The following CRYL1 variants were observed in gnomAD, a reference collection of about 807,000 sequenced individuals.
CRYL1 encodes the protein lambda-crystallin homolog.
In CRYL1, 29 loss-of-function variants were observed where a neutral mutation model predicts 36.6. The observed-to-expected ratio is 0.79, with a 90% confidence interval of 0.59 to 1.08. The LOEUF is 1.08. Among genes scored for constraint, CRYL1 ranks in the 50% least tolerant of loss-of-function variants. The pLI, the probability that CRYL1 is intolerant of heterozygous loss-of-function variation, is 0.00. For synonymous variants in CRYL1, 152 were observed against 151.5 expected, an observed-to-expected ratio of 1.00 and a Z score of -0.02; for missense variants, 411 against 407.9, an observed-to-expected ratio of 1.01 and a Z score of -0.06.
rs539149857 is a variant in CRYL1 at position 20,427,385 on chromosome 13, G to A, written c.633+4717C>T. The A allele has an allele frequency of 3.1e-3, 2,705 of 871,588 alleles. 5 individuals are homozygous for A. Among genetic ancestry groups the A allele is most frequent in the Non-Finnish European group, 3.4e-3 (2,488 of 726,326 alleles). The allele number at this position is 871,588 out of a possible 1,614,324, so 54.0% of individuals were successfully genotyped here. On this transcript the variant is annotated intron_variant, in intron 5 of 7. Transcript: ENST00000298248. ...CTCCTTCACTCCCTTGGCTATCCGG[G>A]TGTCCATTCTACCCCACGAAGGTCT...
At chr13:20,453,109 G>A (rs976302410) in intron 3 of CRYL1, among the ~76,000 whole-genome samples, 22 of 152,156 alleles carry the variant, frequency 1.4e-4, no homozygotes, top group African/African-American at 5.3e-4. Context: ...CAACCAACTT[G>A]ATCTACTTGA....
intron 3 of CRYL1, among the ~76,000 whole-genome samples, chr13:20,455,117 A>T (rs2032653804): frequency 6.6e-6 from 1 of 152,244 alleles, no homozygotes; most frequent in South Asian, 2.1e-4. Context: ...AATATAAAAA[A>T]ACTGTATTTC....
intron 4 of CRYL1, among the ~76,000 whole-genome samples, chr13:20,436,350 G>A (rs2032218032): frequency 1.3e-5 from 2 of 152,184 alleles, no homozygotes; most frequent in Non-Finnish European, 2.9e-5. Context: ...TAAACTATCA[G>A]TAGAAAACTG....
chr13:20,405,503 C>T (rs138677545), intron 6 of CRYL1, among the ~76,000 whole-genome samples: 79 of 152,380 alleles, frequency 5.2e-4, no homozygotes, highest in African/African-American at 1.6e-3. Context: ...AAACCTGTCA[C>T]TTATGTCACT....
At chr13:20,423,571 G>C (rs56845146) in intron 5 of CRYL1, among the ~76,000 whole-genome samples, 2,136 of 152,134 alleles carry the variant, frequency 0.014, 51 homozygotes, top group African/African-American at 0.047. Context: ...TTATAGATTT[G>C]CCTATGGTAA....
intron 3 of CRYL1, among the ~76,000 whole-genome samples, chr13:20,461,521 G>T (rs1199061064): frequency 1.3e-5 from 2 of 152,104 alleles, no homozygotes; most frequent in Non-Finnish European, 2.9e-5. Context: ...GGCAGCTCTG[G>T]ATACCAATCT....
chr13:20,470,137 G>A (rs937225699), intron 3 of CRYL1, among the ~76,000 whole-genome samples: 12 of 152,276 alleles, frequency 7.9e-5, no homozygotes, highest in Admixed American at 4.6e-4. Flanking sequence ...GCAGCCCACT[G>A]TTGCCAAAAT....
intron 2 of CRYL1, among the ~76,000 whole-genome samples, chr13:20,492,458 A>G (rs73445973): frequency 0.019 from 2,942 of 152,290 alleles, 60 homozygotes; most frequent in African/African-American, 0.048. Flanking sequence ...TCAAAGCGTC[A>G]GCAGGGAACG....
intron 3 of CRYL1, among the ~76,000 whole-genome samples, chr13:20,465,117 G>A (rs369451844): frequency 6.6e-6 from 1 of 152,318 alleles, no homozygotes; most frequent in East Asian, 1.9e-4. Context: ...TAGCAGTCCT[G>A]TACAAGCACT....
At position 20,510,065 on chromosome 13, in the gene CRYL1, T is replaced by C. The variant is rs182625608; in HGVS notation, c.149+2378A>G. On this transcript the variant is annotated intron_variant, in intron 2 of 7. Coordinates refer to ENST00000298248, the MANE Select transcript of CRYL1 (RefSeq NM_015974.3). ...ATCTCTCCTTCATTGTTGGTGGGAA[T>C]GCAAAATAGGACAGCCATTTTGGAA... Among the ~76,000 whole-genome samples the C allele has an allele frequency of 4.0e-3, 616 of 152,350 alleles. 9 individuals carry two copies. In the South Asian group the frequency reaches 0.069, roughly 17 times the overall value.
At chr13:20,512,137 A>G (rs2033926615) in intron 2 of CRYL1, among the ~76,000 whole-genome samples, 1 of 152,234 alleles carries the variant, frequency 6.6e-6, no homozygotes, top group Non-Finnish European at 1.5e-5. Context: ...GCCTAGATGG[A>G]AGCAGGAAAC....
intron 1 of CRYL1, among the ~76,000 whole-genome samples, chr13:20,517,938 G>GAA (rs67225103): frequency 0.72 from 83,093 of 116,004 alleles, 31,155 homozygotes; most frequent in Non-Finnish European, 0.78. Context: ...TCTGTCTCAA[G>GAA]AAAAAAAAAA....
intron 2 of CRYL1, among the ~76,000 whole-genome samples, chr13:20,493,189 G>A (rs114959821): frequency 0.013 from 1,922 of 152,334 alleles, 54 homozygotes; most frequent in African/African-American, 0.044. Context: ...GGTGCTCCGA[G>A]GCAGGCCTCT....
intron 1 of CRYL1, among the ~76,000 whole-genome samples, chr13:20,517,828 C>A (rs529171043): frequency 6.8e-6 from 1 of 146,410 alleles, no homozygotes; most frequent in Non-Finnish European, 1.5e-5. Context: ...CCCAGCTACT[C>A]GGGAGGCTGA....
In CRYL1 at chr13:20,468,017, G is replaced by A. The variant is rs113736824; in HGVS notation, c.276+21353C>T. ...CTCTCCTCATGAGAATCTTACAAGC[G>A]CCTTATGATCAGCAGTGGAACAGTT... On this transcript the variant is annotated intron_variant, in intron 3 of 7. Coordinates refer to ENST00000298248, the MANE Select transcript of CRYL1 (RefSeq NM_015974.3). Among the ~76,000 whole-genome samples, 1,201 of 152,158 alleles carry A rather than the reference G, an allele frequency of 7.9e-3. 21 individuals are homozygous for A. Among genetic ancestry groups the A allele is most frequent in the African/African-American group, 0.027 (1,141 of 41,498 alleles).
chr13:20,489,428 G>A lies in CRYL1; in HGVS notation c.218C>T (p.Ser73Leu), dbSNP rs372564868. 6.2e-7 allele frequency: 1 copy of A among 1,613,642 alleles called. No homozygotes were observed. The highest frequency in any genetic ancestry group is 1.1e-5 in the South Asian group (1 of 91,086). ...GATATTGGGACAACCACTGATGAGT[G>A]ACAGCTGCTCTTCCACACTCAGGGA... is the stretch of plus-strand genomic sequence containing the variant. ...KGSLSVEEQL[S>L]LISGCPNIQE... Residue 73 changes from serine (S) to leucine (L), a missense_variant, in exon 3 of 8, where the codon TCA (serine) becomes TTA (leucine). Transcript: ENST00000298248.
At chr13:20,451,864 G>T (rs1009098850) in intron 3 of CRYL1, among the ~76,000 whole-genome samples, 11 of 152,040 alleles carry the variant, frequency 7.2e-5, no homozygotes, top group African/African-American at 2.7e-4. Flanking sequence ...TAATTGCAAA[G>T]ACATGGAATC....
intron 3 of CRYL1, among the ~76,000 whole-genome samples, chr13:20,453,906 A>C (rs1006425015): frequency 6.6e-6 from 1 of 152,170 alleles, no homozygotes; most frequent in Non-Finnish European, 1.5e-5. Flanking sequence ...ACAACTTAGA[A>C]CAAATGGACT....
At position 20,439,500 on chromosome 13, in the gene CRYL1, A is replaced by AC; in HGVS notation, c.438+92dup. On this transcript the variant is annotated intron_variant, in intron 4 of 7. Coordinates refer to ENST00000298248, the MANE Select transcript of CRYL1 (RefSeq NM_015974.3). ...CTAATGGATTACTCACAAGTTATTG[A>AC]CCCCCCTCCCCCGCAAAAAAAAAAA... 4.7e-6 allele frequency: 3 copies of AC among 636,656 alleles called. No individual in the cohort carries two copies. The South Asian group carries it at 5.6e-5, about 12-fold the overall frequency. The allele number at this position is 636,656 out of a possible 1,614,324, so 39.4% of individuals were successfully genotyped here.
Sources: gnomAD v4.1 joint callset for allele counts (sites outside exome capture counted in the v4.1 genomes callset) on GRCh38, gnomAD v4.1.1 for gene constraint, MANE v1.5 for transcripts, NCBI Gene and HGNC (gene_info 2026-07-23, HGNC 2026-07-21) for gene names.